The following NID1 variants were observed in gnomAD, a reference collection of about 807,000 sequenced individuals.
NID1 encodes nidogen 1.
In NID1, 76 loss-of-function variants were observed where a neutral mutation model predicts 130.6. That is an observed-to-expected ratio of 0.58 (90% CI 0.48 to 0.70). The LOEUF (loss-of-function observed/expected upper bound fraction) is 0.70, where lower values mean the gene tolerates loss of function less well. Among genes scored for constraint, NID1 ranks in the 30% least tolerant of loss-of-function variants. The pLI, the probability that NID1 is intolerant of heterozygous loss-of-function variation, is 0.00. For synonymous variants in NID1, 665 were observed against 675.1 expected, an observed-to-expected ratio of 0.98 and a Z score of 0.23; for missense variants, 1,517 against 1,664.8, an observed-to-expected ratio of 0.91 and a Z score of 1.54.
At chr1:236,022,650 A>C (rs1658800249) in intron 9 of NID1, among the ~76,000 whole-genome samples, 1 of 151,756 alleles carries the variant, frequency 6.6e-6, no homozygotes, top group South Asian at 2.1e-4. Flanking sequence ...CTATTTTAAA[A>C]AACACAGAAA....
chr1:236,036,938 A>G (rs1659278189), intron 5 of NID1, among the ~76,000 whole-genome samples: 1 of 152,230 alleles, frequency 6.6e-6, no homozygotes, highest in African/African-American at 2.4e-5. Context: ...TGCTAGAAGC[A>G]TCAGAAAAGT....
rs746288169 is a variant in NID1 at position 236,048,941 on chromosome 1, A to ATTC, written c.271_273dup (p.Glu91dup). The ATTC allele has an allele frequency of 1.9e-5, 30 of 1,613,984 alleles. No homozygotes were observed. The highest frequency in any genetic ancestry group is 2.5e-5 in the Non-Finnish European group (29 of 1,180,016). ...GTTGGTGGGAAGAGCCCGGGATGGG[A>ATTC]TTCTTTGGCCGGGGGTTCACTCGTA... On this transcript the variant is annotated inframe_insertion, in exon 2 of 20. Transcript: ENST00000264187.
At chr1:235,981,805 T>TGG in intron 15 of NID1, 23 bp from the exon 16 acceptor site, 3 of 1,568,442 alleles carry the variant, frequency 1.9e-6, no homozygotes, top group Non-Finnish European at 1.7e-6. Flanking sequence ...ACAGAGCTCC[T>TGG]CTAATTTTTT....
At chr1:236,040,794 G>A (rs1659429631) in intron 4 of NID1, among the ~76,000 whole-genome samples, 1 of 151,888 alleles carries the variant, frequency 6.6e-6, no homozygotes, top group Non-Finnish European at 1.5e-5. Context: ...CTCCAGATTG[G>A]CTGGGATTAC....
chr1:236,045,739 T>C, intron 2 of NID1, 56 bp from the exon 3 acceptor site: 2 of 1,354,908 alleles, frequency 1.5e-6, no homozygotes, highest in African/African-American at 1.5e-5. Context: ...GATTTTAAAA[T>C]GTGTTATTCG....
Position 236,013,882 on chromosome 1 carries a change from A to G in NID1, c.2255-322T>C, listed in dbSNP as rs3754237. 0.6 allele frequency among the ~76,000 whole-genome samples: 90,703 copies of G among 151,954 alleles called. 28,193 individuals are homozygous for G. The highest frequency in any genetic ancestry group is 0.76 in the East Asian group (3,932 of 5,152). ...CCCCATCACAGGTCCCCAGGACCCA[A>G]CTTTCCCTTCATCTGGATATGGGGG... On this transcript the variant is annotated intron_variant, in intron 10 of 19. Transcript: ENST00000264187.
chr1:236,048,196 G>C (rs1050350193), intron 2 of NID1, among the ~76,000 whole-genome samples: 1 of 151,614 alleles, frequency 6.6e-6, no homozygotes, highest in African/African-American at 2.4e-5. Flanking sequence ...CCAGCCGGGC[G>C]TGGTGGTGGT....
intron 10 of NID1, among the ~76,000 whole-genome samples, chr1:236,015,264 G>C (rs1174692496): frequency 6.6e-6 from 1 of 152,210 alleles, no homozygotes; most frequent in African/African-American, 2.4e-5. Flanking sequence ...TTCTTTGAAT[G>C]CGTGTAGGCA....
intron 12 of NID1, among the ~76,000 whole-genome samples, chr1:236,001,723 C>T (rs1159235003): frequency 2.0e-5 from 3 of 152,162 alleles, no homozygotes; most frequent in Non-Finnish European, 4.4e-5. Context: ...GCACTGAACT[C>T]GCAGTTAGGA....
At chr1:236,025,351 T>C (rs1007977469) in intron 8 of NID1, among the ~76,000 whole-genome samples, 2 of 148,754 alleles carry the variant, frequency 1.3e-5, no homozygotes. Flanking sequence ...AACCTCTGCC[T>C]CCTGGGTTCA....
chr1:235,993,767 C>T lies in NID1; in HGVS notation c.2633G>A (p.Cys878Tyr). Residue 878 changes from cysteine (C) to tyrosine (Y), a missense_variant, in exon 13 of 20, where the codon TGC becomes TAC. This residue lies in a region of NID1 where 1,329 missense variants were observed against 1,429.2 expected (regional missense o/e 0.93). Coordinates refer to ENST00000264187, the MANE Select transcript of NID1 (RefSeq NM_002508.3). ...PIPPGLFVPE[C>Y]DAHGHYAPTQ... ...GGGCGCGTAGTGCCCGTGCGCATCGCACTCAGGAACGAACAGCCCCGGAGG... is the reference window on the plus strand; with the variant it reads ...GGGCGCGTAGTGCCCGTGCGCATCGTACTCAGGAACGAACAGCCCCGGAGG... 6.2e-7 allele frequency: 1 copy of T among 1,614,122 alleles called. No individual in the cohort carries two copies. Among genetic ancestry groups the T allele is most frequent in the Non-Finnish European group, 8.5e-7 (1 of 1,180,008 alleles).
chr1:235,979,875 A>C lies in NID1; in HGVS notation c.3456T>G (p.Tyr1152Ter). ...TCCCGTAGCTCGTCACAGCAAAAGG[A>C]TACTGGAGCCCTTCGAGAGCCTTGC... ...SRRKALEGLQYPFAVTSYGKN... is the reference protein window; with the variant it reads ...SRRKALEGLQ Residue 1152 changes from tyrosine to a stop codon, truncating the protein, a stop_gained, in exon 18 of 20, where the codon TAT becomes TAG. Coordinates refer to ENST00000264187, the MANE Select transcript of NID1 (RefSeq NM_002508.3). LOFTEE classifies it high-confidence loss of function. This position sits in a 1 kb window ranked among gnomAD's most constrained non-coding sequence, Gnocchi z 4.6. 2 of 1,614,106 alleles carry C rather than the reference A, an allele frequency of 1.2e-6. No homozygotes were observed. Among genetic ancestry groups the C allele is most frequent in the Non-Finnish European group, 8.5e-7 (1 of 1,179,992 alleles).
At chr1:236,039,639 C>T (rs1444018838) in intron 4 of NID1, among the ~76,000 whole-genome samples, 1 of 152,134 alleles carries the variant, frequency 6.6e-6, no homozygotes, top group Non-Finnish European at 1.5e-5. Flanking sequence ...GAATGAAATT[C>T]AAAAGCACAA....
At chr1:236,045,963 A>G (rs754193310) in intron 2 of NID1, among the ~76,000 whole-genome samples, 11 of 152,188 alleles carry the variant, frequency 7.2e-5, no homozygotes, top group Non-Finnish European at 1.3e-4. Flanking sequence ...TACAGATGGT[A>G]CCTCCAGATG....
intron 2 of NID1, among the ~76,000 whole-genome samples, chr1:236,046,602 C>T (rs369647644): frequency 1.3e-5 from 2 of 150,242 alleles, no homozygotes; most frequent in Admixed American, 6.6e-5. Flanking sequence ...CAAGATACTG[C>T]GGATAAAAAA....
At chr1:236,001,807 T>G (rs964321965) in intron 12 of NID1, among the ~76,000 whole-genome samples, 1 of 152,226 alleles carries the variant, frequency 6.6e-6, no homozygotes, top group South Asian at 2.1e-4. Flanking sequence ...CTCCTCTGTG[T>G]GCAGTCTCTT....
chr1:236,048,902 C>A lies in NID1; in HGVS notation c.313G>T (p.Ala105Ser), dbSNP rs752777849. The A allele has an allele frequency of 4.3e-6, 7 of 1,613,904 alleles. No homozygotes were observed. The East Asian group carries it at 1.1e-4, about 26-fold the overall frequency. ...GLFPPTFGAV[A>S]PFLADLDTTD... is the part of the protein sequence containing the mutation. ...GTGTCCAAGTCCGCCAGGAAAGGGG[C>A]GACTGCACCGAATGTTGGTGGGAAG... The change falls in exon 2 of 20, where the codon GCC (alanine) becomes TCC (serine). Residue 105 changes from alanine (A) to serine (S), a missense_variant. Physicochemically the swap from Ala to Ser is moderately conservative, Grantham distance 99. Around this residue, in one of 3 missense-constraint regions of NID1, gnomAD observed 1,329 missense variants for 1,429.2 expected, o/e 0.93. Coordinates refer to ENST00000264187, the MANE Select transcript of NID1 (RefSeq NM_002508.3).
rs1400855520 is a variant in NID1 at position 236,013,555 on chromosome 1, C to T, written c.2260G>A (p.Val754Met). The T allele has an allele frequency of 2.5e-6, 4 of 1,614,148 alleles. No homozygotes were observed. Among genetic ancestry groups the T allele is most frequent in the South Asian group, 1.1e-5 (1 of 91,082 alleles). ...CAGTAGTTGATGGGGCGCTGGTCCA[C>T]GACAGCTTCAGAACAAAAGGTTGAT... ...FSDEGTCVAV[V>M]DQRPINYCET... is the part of the protein sequence containing the mutation. The change falls in exon 11 of 20, where the codon GTG (valine) becomes ATG (methionine). Residue 754 changes from valine (V) to methionine (M), a missense_variant. Physicochemically the swap from Val to Met is conservative, Grantham distance 21. Transcript: ENST00000264187.
intron 15 of NID1, among the ~76,000 whole-genome samples, chr1:235,984,956 G>A (rs1437937534): frequency 1.3e-5 from 2 of 152,108 alleles, no homozygotes; most frequent in African/African-American, 4.8e-5. Flanking sequence ...TTGGGAGGCC[G>A]AGGTGGGCGG....
Sources: gnomAD v4.1 joint callset for allele counts (sites outside exome capture counted in the v4.1 genomes callset) on GRCh38, gnomAD v4.1.1 for gene constraint, gnomAD v4.1.1 regional missense constraint, Gnocchi (gnomAD v3.1) non-coding constraint, MANE v1.5 for transcripts, NCBI Gene and HGNC (gene_info 2026-07-23, HGNC 2026-07-21) for gene names.